PLCB4: variants seen among roughly 807,000 people sequenced by gnomAD.
PLCB4 encodes the protein 1-phosphatidylinositol 4,5-bisphosphate phosphodiesterase beta-4.
In PLCB4, 77 loss-of-function variants were observed where a neutral mutation model predicts 178.8. The observed-to-expected ratio is 0.43, with a 90% CI of 0.36 to 0.52. The LOEUF is 0.52. PLCB4 is among the 20% of genes least tolerant of loss of function. PLCB4 has a pLI of 0.00. For synonymous variants in PLCB4, 496 were observed against 490.8 expected, an observed-to-expected ratio of 1.01 and a Z score of -0.14; for missense variants, 1,024 against 1,453.4, an observed-to-expected ratio of 0.70 and a Z score of 4.80.
chr20:9,182,343 C>CTA (rs1394164368), intron 2 of PLCB4, among the ~76,000 whole-genome samples: 1 of 152,096 alleles, frequency 6.6e-6, no homozygotes, highest in African/African-American at 2.4e-5. Flanking sequence ...TAAAAGAACT[C>CTA]TTTAAAGTTG....
At chr20:9,371,085 G>A (rs77235352) in intron 9 of PLCB4, 129 bp from the exon 10 acceptor site, 1 of 672,872 alleles carries the variant, frequency 1.5e-6, no homozygotes, top group Non-Finnish European at 2.7e-6. Context: ...CATCTGCAAT[G>A]AGAGGTAATT....
intron 2 of PLCB4, among the ~76,000 whole-genome samples, chr20:9,177,365 C>G (rs1049017911): frequency 6.6e-6 from 1 of 152,114 alleles, no homozygotes; most frequent in Non-Finnish European, 1.5e-5. Context: ...GATATGATAA[C>G]TAATTAAACT....
chr20:9,179,070 T>G (rs1417909993), intron 2 of PLCB4, among the ~76,000 whole-genome samples: 1 of 152,096 alleles, frequency 6.6e-6, no homozygotes, highest in Non-Finnish European at 1.5e-5. Flanking sequence ...TTTTGGTGAG[T>G]TTTTCTAGAT....
chr20:9,301,275 C>T (rs1030696020), intron 3 of PLCB4, among the ~76,000 whole-genome samples: 1 of 151,808 alleles, frequency 6.6e-6, no homozygotes, highest in African/African-American at 2.4e-5. Context: ...TTTTGGGGGC[C>T]ATTTATTCAG....
chr20:9,244,057 A>T (rs1197630561), intron 3 of PLCB4, among the ~76,000 whole-genome samples: 1 of 152,128 alleles, frequency 6.6e-6, no homozygotes, highest in African/African-American at 2.4e-5. Flanking sequence ...TGGTAGAAGC[A>T]TTGTCCCTTG....
At chr20:9,393,414 G>T (rs924088502) in intron 17 of PLCB4, among the ~76,000 whole-genome samples, 174 bp from the exon 18 acceptor site, 4 of 152,292 alleles carry the variant, frequency 2.6e-5, no homozygotes, top group African/African-American at 7.2e-5. Flanking sequence ...CTAAGGAAAA[G>T]CTCAATGGGT....
chr20:9,254,036 A>G (rs187317364), intron 3 of PLCB4, among the ~76,000 whole-genome samples: 153 of 152,332 alleles, frequency 1.0e-3, no homozygotes, highest in Non-Finnish European at 1.8e-3. Flanking sequence ...GGGCTCAAGA[A>G]CAAAGGAACT....
intron 22 of PLCB4, among the ~76,000 whole-genome samples, 200 bp from the exon 23 acceptor site, chr20:9,408,433 A>C (rs2039611844): frequency 8.8e-6 from 1 of 113,794 alleles, no homozygotes; most frequent in Non-Finnish European, 1.7e-5. Flanking sequence ...ATCATCAAAA[A>C]TTCATATTTC....
chr20:9,156,608 G>A (rs59715855), intron 2 of PLCB4, among the ~76,000 whole-genome samples: 2 of 152,060 alleles, frequency 1.3e-5, no homozygotes, highest in Non-Finnish European at 2.9e-5. Context: ...CATTGACTTA[G>A]GTTTTAGAAA....
chr20:9,323,461 A>G (rs957745641), intron 4 of PLCB4, among the ~76,000 whole-genome samples: 3 of 152,228 alleles, frequency 2.0e-5, no homozygotes, highest in Non-Finnish European at 2.9e-5. Flanking sequence ...GAATTAATTC[A>G]TCACTCAACA....
chr20:9,322,567 C>T (rs148315034), intron 4 of PLCB4, among the ~76,000 whole-genome samples: 12 of 152,304 alleles, frequency 7.9e-5, no homozygotes, highest in East Asian at 7.7e-4. Context: ...TGCAGAGTTA[C>T]GCTGAGGACA....
chr20:9,380,468 C>T (rs1356296802), intron 13 of PLCB4, among the ~76,000 whole-genome samples: 1 of 152,158 alleles, frequency 6.6e-6, no homozygotes, highest in East Asian at 1.9e-4. Context: ...ACAACCAATA[C>T]AGTCTCTACT....
At position 9,151,846 on chromosome 20, in the gene PLCB4, G is replaced by A. The variant is rs1158383947; in HGVS notation, c.-79+55504G>A. Among the ~76,000 whole-genome samples, 5 of 152,276 alleles carry A rather than the reference G, an allele frequency of 3.3e-5. No individual in the cohort carries two copies. The East Asian group carries it at 9.6e-4, about 29-fold the overall frequency. On this transcript the variant is annotated intron_variant, in intron 2 of 39. Coordinates refer to ENST00000378473, the MANE Select transcript of PLCB4 (RefSeq NM_001377142.1). The stretch of plus-strand genomic sequence containing the variant: ...AGATAGGAAAATGTGGGAAAGTTTG[G>A]AACTTCCTAGAGACTTGTTGAATGG...
chr20:9,336,726 A>C lies in PLCB4; in HGVS notation c.85-400A>C, dbSNP rs1216596211. The stretch of plus-strand genomic sequence containing the variant: ...AGCAAATATCTGAATGCTAGATTTT[A>C]CAGACAAAAAAAAAAAAGAAAAAAA... On this transcript the variant is annotated intron_variant, in intron 4 of 39. Coordinates refer to ENST00000378473, the MANE Select transcript of PLCB4 (RefSeq NM_001377142.1). Among the ~76,000 whole-genome samples the C allele has an allele frequency of 2.0e-5, 3 of 150,032 alleles. No individual in the cohort carries two copies. In the East Asian group the frequency reaches 5.8e-4, roughly 29 times the overall value.
At chr20:9,204,370 G>C (rs968820477) in intron 2 of PLCB4, among the ~76,000 whole-genome samples, 1 of 151,440 alleles carries the variant, frequency 6.6e-6, no homozygotes, top group Non-Finnish European at 1.5e-5. Context: ...TTTTTTTTGC[G>C]GGGGTGGGGA....
At chr20:9,151,012 G>A (rs546046726) in intron 2 of PLCB4, among the ~76,000 whole-genome samples, 1 of 152,060 alleles carries the variant, frequency 6.6e-6, no homozygotes, top group South Asian at 2.1e-4. Context: ...TTTAATTTCT[G>A]GGTTTCCCTG....
chr20:9,412,713 G>A (rs541171311), intron 25 of PLCB4, among the ~76,000 whole-genome samples: 1 of 152,176 alleles, frequency 6.6e-6, no homozygotes, highest in Admixed American at 6.5e-5. Flanking sequence ...CCTGCCTTCA[G>A]CAATAATCCT....
chr20:9,331,611 C>A (rs1400343434), intron 4 of PLCB4, among the ~76,000 whole-genome samples: 2 of 152,150 alleles, frequency 1.3e-5, no homozygotes, highest in Non-Finnish European at 2.9e-5. Flanking sequence ...GGGGATTAAA[C>A]TTTATTGAAC....
chr20:9,453,051 T>C (rs908118194), intron 32 of PLCB4, among the ~76,000 whole-genome samples: 1 of 152,082 alleles, frequency 6.6e-6, no homozygotes, highest in Non-Finnish European at 1.5e-5. Context: ...TACAGAGATG[T>C]GTATATGTAG....
Sources: gnomAD v4.1 joint callset for allele counts (sites outside exome capture counted in the v4.1 genomes callset) on GRCh38, gnomAD v4.1.1 for gene constraint, MANE v1.5 for transcripts, NCBI Gene and HGNC (gene_info 2026-07-23, HGNC 2026-07-21) for gene names.